The following CSMD1 variants were observed in gnomAD, a reference collection of about 807,000 sequenced individuals.
CSMD1 encodes the protein CUB and sushi domain-containing protein 1.
CSMD1 carries 213 observed loss-of-function variants against 417.5 expected under a neutral mutation model. The observed-to-expected ratio is 0.51, with a 90% CI of 0.46 to 0.57. CSMD1 has a LOEUF of 0.57. Among genes scored for constraint, CSMD1 ranks in the 20% least tolerant of loss-of-function variants. The pLI, the probability that CSMD1 is intolerant of heterozygous loss-of-function variation, is 0.00. For missense variants in CSMD1, 6,923 were observed against 4,529.7 expected, an observed-to-expected ratio of 1.53 and a Z score of -15.17; for synonymous variants, 2,862 against 1,736.8, an observed-to-expected ratio of 1.65 and a Z score of -16.11.
chr8:4,213,714 G>A (rs1193549564), intron 3 of CSMD1, among the ~76,000 whole-genome samples: 5 of 152,226 alleles, frequency 3.3e-5, no homozygotes, highest in African/African-American at 1.2e-4. Flanking sequence ...GGGCTCCTGT[G>A]TGATTTCCTG....
At chr8:4,197,696 T>G (rs4875306) in intron 3 of CSMD1, among the ~76,000 whole-genome samples, 40,981 of 152,004 alleles carry the variant, frequency 0.27, 5,685 homozygotes, top group East Asian at 0.35. Flanking sequence ...TTGGCCAACA[T>G]AGTGAAGCTC....
intron 5 of CSMD1, among the ~76,000 whole-genome samples, chr8:3,846,255 G>A (rs1053420158): frequency 4.6e-5 from 7 of 152,074 alleles, no homozygotes; most frequent in African/African-American, 7.2e-5. Context: ...AATGCACCAC[G>A]CTATGGCATT....
chr8:4,418,879 G>C (rs976202493), intron 3 of CSMD1, among the ~76,000 whole-genome samples: 5 of 152,254 alleles, frequency 3.3e-5, no homozygotes, highest in Non-Finnish European at 5.9e-5. Context: ...AAAGACATTA[G>C]AGGCAGAATC....
intron 5 of CSMD1, among the ~76,000 whole-genome samples, chr8:3,819,094 G>A (rs962847668): frequency 6.6e-6 from 1 of 152,188 alleles, no homozygotes; most frequent in East Asian, 1.9e-4. Context: ...GCAGAGTAGA[G>A]AGAAAAGTGT....
chr8:3,923,364 C>G (rs1232346529), intron 5 of CSMD1, among the ~76,000 whole-genome samples: 1 of 151,976 alleles, frequency 6.6e-6, no homozygotes, highest in Admixed American at 6.6e-5. Flanking sequence ...TTCGCTTGTC[C>G]CCTTCCCATT....
chr8:2,990,589 G>A (rs1057002469), intron 54 of CSMD1, among the ~76,000 whole-genome samples: 3 of 152,154 alleles, frequency 2.0e-5, no homozygotes, highest in African/African-American at 7.2e-5. Flanking sequence ...CATTATCGGC[G>A]AAAGCAGGAG....
At chr8:4,908,659 C>T (rs940639688) in intron 1 of CSMD1, among the ~76,000 whole-genome samples, 19 of 151,142 alleles carry the variant, frequency 1.3e-4, no homozygotes, top group Non-Finnish European at 2.5e-4. Context: ...GTCCACCAGA[C>T]TCTTTTCTAG....
intron 3 of CSMD1, among the ~76,000 whole-genome samples, chr8:4,119,834 C>A (rs531151823): frequency 2.0e-5 from 3 of 152,276 alleles, no homozygotes; most frequent in African/African-American, 7.2e-5. Context: ...AACTCCTACA[C>A]GTTTGTGTAT....
intron 2 of CSMD1, among the ~76,000 whole-genome samples, chr8:4,564,177 G>T (rs1038391890): frequency 3.3e-5 from 5 of 152,146 alleles, no homozygotes; most frequent in East Asian, 3.9e-4. Context: ...TCAAGTCATT[G>T]TTGAGCTTTC....
intron 5 of CSMD1, among the ~76,000 whole-genome samples, chr8:3,802,668 T>C (rs1800522501): frequency 6.6e-6 from 1 of 152,188 alleles, no homozygotes; most frequent in Admixed American, 6.5e-5. Flanking sequence ...TTTACTTCTC[T>C]ACTCATGACA....
In CSMD1 at chr8:4,032,081, C is replaced by G. The variant is rs1224770765; in HGVS notation, c.434G>C (p.Cys145Ser). Reference sequence around the variant, plus strand: ...TTTCAGGATTTCTCCAGGATTTCCACAAGTGTGGCTAGGTAAAACTATTGG... The same window carrying G: ...TTTCAGGATTTCTCCAGGATTTCCAGAAGTGTGGCTAGGTAAAACTATTGG... ...ALYEVLPSHT[C>S]GNPGEILKGV... Residue 145 changes from cysteine (C) to serine (S), a missense_variant, in exon 4 of 70, where the codon TGT becomes TCT. Cys to Ser is a moderately radical substitution (Grantham distance 112, BLOSUM62 -1). Transcript: ENST00000635120. The G allele has an allele frequency of 1.2e-6, 2 of 1,612,246 alleles. No homozygotes were observed. Among genetic ancestry groups the G allele is most frequent in the East Asian group, 2.2e-5 (1 of 44,816 alleles).
chr8:4,449,724 A>C (rs1347664824), intron 2 of CSMD1, among the ~76,000 whole-genome samples: 1 of 152,112 alleles, frequency 6.6e-6, no homozygotes, highest in African/African-American at 2.4e-5. Flanking sequence ...GAAATGCCAG[A>C]ATAGGGTCGG....
intron 5 of CSMD1, among the ~76,000 whole-genome samples, chr8:3,895,865 G>C (rs564428689): frequency 6.6e-6 from 1 of 152,284 alleles, no homozygotes; most frequent in East Asian, 1.9e-4. Context: ...AGTCGGATGG[G>C]AATAGTCAGG....
At chr8:3,779,245 G>A (rs1205369942) in intron 5 of CSMD1, among the ~76,000 whole-genome samples, 1 of 151,854 alleles carries the variant, frequency 6.6e-6, no homozygotes, top group Non-Finnish European at 1.5e-5. Context: ...TAGAAGGTGA[G>A]GACTAGCAAG....
intron 2 of CSMD1, among the ~76,000 whole-genome samples, chr8:4,453,722 C>G (rs1428055481): frequency 6.6e-6 from 1 of 151,240 alleles, no homozygotes; most frequent in Non-Finnish European, 1.5e-5. Context: ...TCACAGCGGG[C>G]TTAACCATCC....
intron 3 of CSMD1, among the ~76,000 whole-genome samples, chr8:4,067,263 G>A (rs983068705): frequency 6.6e-6 from 1 of 152,108 alleles, no homozygotes; most frequent in Non-Finnish European, 1.5e-5. Flanking sequence ...TGAAAACTAA[G>A]AATCATAGCC....
chr8:4,234,515 G>A (rs749405262), intron 3 of CSMD1, among the ~76,000 whole-genome samples: 1 of 152,094 alleles, frequency 6.6e-6, no homozygotes, highest in Admixed American at 6.6e-5. Flanking sequence ...GTCTACACTA[G>A]ATATCACTCC....
chr8:4,434,420 C>A (rs571999021), intron 2 of CSMD1, among the ~76,000 whole-genome samples: 1 of 152,274 alleles, frequency 6.6e-6, no homozygotes, highest in South Asian at 2.1e-4. Flanking sequence ...GCACAAGCCA[C>A]TTTTTGAACT....
At position 3,142,512 on chromosome 8, in the gene CSMD1, T is replaced by C; in HGVS notation, c.6194A>G (p.Tyr2065Cys). Residue 2065 changes from tyrosine to cysteine, a missense_variant, in exon 41 of 70, where the codon TAT becomes TGT. Coordinates refer to ENST00000635120, the MANE Select transcript of CSMD1 (RefSeq NM_033225.6). ...TTGCCGGTTTTGCGAATGGTCACTA[T>C]AAAAGTGGATGAGGGTTTCATGCGT... ...STTHETLIHF[Y>C]SDHSQNRQGF... The C allele has an allele frequency of 1.2e-6, 2 of 1,613,986 alleles. No individual in the cohort carries two copies. Among genetic ancestry groups the C allele is most frequent in the Non-Finnish European group, 1.7e-6 (2 of 1,179,892 alleles).
Sources: gnomAD v4.1 joint callset for allele counts (sites outside exome capture counted in the v4.1 genomes callset) on GRCh38, gnomAD v4.1.1 for gene constraint, MANE v1.5 for transcripts, NCBI Gene and HGNC (gene_info 2026-07-23, HGNC 2026-07-21) for gene names.